The following DPP7 variants were observed in gnomAD, a reference collection of about 807,000 sequenced individuals.
DPP7 encodes dipeptidyl peptidase 7, also known as dipeptidyl peptidase 2.
Under a neutral mutation model 58.8 loss-of-function variants are expected in DPP7, and 74 were observed. That is an observed-to-expected ratio of 1.26 (90% CI 1.04 to 1.53). The LOEUF is 1.53. DPP7 is among the 40% of genes most tolerant of loss of function. The pLI, the probability that DPP7 is intolerant of heterozygous loss-of-function variation, is 0.00. For missense variants in DPP7, 807 were observed against 692.3 expected, an observed-to-expected ratio of 1.17 and a Z score of -1.86; for synonymous variants, 350 against 303.6, an observed-to-expected ratio of 1.15 and a Z score of -1.59.
upstream of DPP7, among the ~76,000 whole-genome samples, chr9:137,115,550 G>A (rs1222992823): frequency 6.6e-6 from 1 of 152,148 alleles, no homozygotes; most frequent in African/African-American, 2.4e-5. Flanking sequence ...GGGGCAGCAG[G>A]GGCTCAGCTA....
upstream of DPP7, chr9:137,114,829 G>A (rs2131160043): frequency 1.4e-6 from 1 of 697,822 alleles, no homozygotes; most frequent in South Asian, 7.4e-5. Context: ...GACCGTCGCT[G>A]CTTCAGCGCC....
chr9:137,113,878 C>T lies in DPP7; in HGVS notation c.472G>A (p.Ala158Thr). ...GGAGGCGCCCACCTTCCACCGAAGG[C>T]GATGGCGGGGGCATCCTGGGCCCCG... is the stretch of plus-strand genomic sequence containing the variant. ...DLGAQDAPAIAFGGSYGGMLS... is the reference protein window; with the variant it reads ...DLGAQDAPAITFGGSYGGMLS... Residue 158 changes from alanine to threonine, a missense_variant, in exon 4 of 13, where the codon GCC becomes ACC. By Grantham distance (58) the Ala-to-Thr change is moderately conservative (BLOSUM62 0). This residue lies in a region of DPP7 where 624 missense variants were observed against 531.2 expected (regional missense o/e 1.17). Coordinates refer to ENST00000371579, the MANE Select transcript of DPP7 (RefSeq NM_013379.3). 1.3e-6 allele frequency: 2 copies of T among 1,550,676 alleles called. No individual in the cohort carries two copies. The highest frequency in any genetic ancestry group is 1.7e-6 in the Non-Finnish European group (2 of 1,153,588).
chr9:137,112,469 T>C, intron 8 of DPP7: 1 of 619,170 alleles, frequency 1.6e-6, no homozygotes, highest in Middle Eastern at 4.3e-4. Context: ...TGGGGCCTGC[T>C]GCCCTCTGTT....
At chr9:137,112,441 G>A (rs915299045) in intron 8 of DPP7, 1 of 616,690 alleles carries the variant, frequency 1.6e-6, no homozygotes, top group East Asian at 2.8e-5. Flanking sequence ...GGGCCCCCCC[G>A]CTCTCCACGG....
upstream of DPP7, chr9:137,114,740 T>G: frequency 8.2e-7 from 1 of 1,218,540 alleles, no homozygotes; most frequent in East Asian, 3.8e-5. Context: ...GCCCGTCACG[T>G]GGGCGGGGTC....
chr9:137,112,720 C>T, intron 8 of DPP7, 25 bp downstream of exon 8: 2 of 1,586,510 alleles, frequency 1.3e-6, no homozygotes, highest in Non-Finnish European at 1.7e-6. Context: ...CCACACTTGC[C>T]CATCTGGGGC....
chr9:137,111,420 C>G (rs146326996), intron 11 of DPP7, among the ~76,000 whole-genome samples: 1 of 152,268 alleles, frequency 6.6e-6, no homozygotes, highest in Non-Finnish European at 1.5e-5. Flanking sequence ...GGAGGCCATG[C>G]GGGGAAGATC....
chr9:137,116,755 G>A (rs1831651215), upstream of DPP7, among the ~76,000 whole-genome samples: 1 of 152,236 alleles, frequency 6.6e-6, no homozygotes, highest in Admixed American at 6.5e-5. Context: ...TCTCCGACAT[G>A]CCCCTGGGAA....
intron 11 of DPP7, among the ~76,000 whole-genome samples, chr9:137,111,481 T>C (rs1831362575): frequency 6.6e-6 from 1 of 152,136 alleles, no homozygotes; most frequent in Non-Finnish European, 1.5e-5. Flanking sequence ...TGAGACTGTG[T>C]CTCTACAAAA....
At chr9:137,117,559 G>A (rs1831662347), upstream of DPP7, among the ~76,000 whole-genome samples, 1 of 152,130 alleles carries the variant, frequency 6.6e-6, no homozygotes, top group African/African-American at 2.4e-5. Context: ...AGACCATCTA[G>A]GCAGCTCCTC....
At chr9:137,112,715 C>G (rs200279791) in intron 8 of DPP7, 30 bp downstream of exon 8, 2 of 1,583,320 alleles carry the variant, frequency 1.3e-6, no homozygotes, top group African/African-American at 1.3e-5. Context: ...GGTCTCCACA[C>G]TTGCCCATCT....
At chr9:137,117,260 C>T (rs1831658625), upstream of DPP7, among the ~76,000 whole-genome samples, 2 of 152,212 alleles carry the variant, frequency 1.3e-5, no homozygotes, top group African/African-American at 4.8e-5. Flanking sequence ...GTGAAGGGGC[C>T]CAACTTCTGC....
rs1282318961 is a variant in DPP7, at chr9:137,112,176, T to C, written c.986A>G (p.Tyr329Cys). 6.2e-7 allele frequency: 1 copy of C among 1,607,724 alleles called. No homozygotes were observed. Among genetic ancestry groups the C allele is most frequent in the East Asian group, 2.2e-5 (1 of 44,872 alleles). Residue 329 changes from tyrosine to cysteine, a missense_variant, in exon 9 of 13, where the codon TAC (tyrosine) becomes TGC (cysteine). By Grantham distance (194) the Tyr-to-Cys change is radical (BLOSUM62 -2). Coordinates refer to ENST00000371579, the MANE Select transcript of DPP7 (RefSeq NM_013379.3). ...GCCAGTGGGGTCAGCACAGCTGTGG[T>C]AGAGCCGGTAGATGTCGTAGCAGTG... ...SEHCYDIYRL[Y>C]HSCADPTGCG...
At chr9:137,110,825 C>G in intron 12 of DPP7, 42 bp from the exon 13 acceptor site, 1 of 1,602,032 alleles carries the variant, frequency 6.2e-7, no homozygotes, top group Non-Finnish European at 8.5e-7. Context: ...CCCCAGCCCT[C>G]GGTGAGCCTG....
chr9:137,112,745 CT>C lies in DPP7; in HGVS notation c.930del (p.Leu312TrpfsTer46). The C allele has an allele frequency of 6.2e-7, 1 of 1,602,804 alleles. No individual in the cohort carries two copies. Among genetic ancestry groups the C allele is most frequent in the Non-Finnish European group, 8.5e-7 (1 of 1,177,188 alleles). On this transcript the variant is annotated frameshift_variant and splice_region_variant, in exon 8 of 13. Transcript: ENST00000371579. LOFTEE classifies it high-confidence loss of function. ...AQRITGLRAL[A>X]GLVYNASGSE... ...CCATCTGGGGCCGGGGGAAGGGCAC[CT>C]GCCAGTGCTCGCAGCCCCGTGATCC... is the stretch of plus-strand genomic sequence containing the variant.
Position 137,113,131 on chromosome 9 carries a change from G to C in DPP7, c.704-12C>G. 1 of 1,613,796 alleles carries C rather than the reference G, an allele frequency of 6.2e-7. No homozygotes were observed. Among genetic ancestry groups the C allele is most frequent in the South Asian group, 1.1e-5 (1 of 91,090 alleles). On this transcript the variant is annotated splice_polypyrimidine_tract_variant and intron_variant, in intron 6 of 12. Coordinates refer to ENST00000371579, the MANE Select transcript of DPP7 (RefSeq NM_013379.3). ...GACCGTGTCGTAGGCTGCGTGGAAG[G>C]GGCAGAGACTTGAAGTTTGGGCATA...
At chr9:137,112,721 C>T in intron 8 of DPP7, 24 bp downstream of exon 8, 1 of 1,587,108 alleles carries the variant, frequency 6.3e-7, no homozygotes, top group Non-Finnish European at 8.5e-7. Flanking sequence ...CACACTTGCC[C>T]ATCTGGGGCC....
rs1471040551 is a variant in DPP7 at position 137,113,979 on chromosome 9, C to G, written c.371G>C (p.Gly124Ala). ...CTCCACCGTCAGCAGCTCCGTGTGC[C>G]CGCGCTGCGTGGACTGCGCACCGAA... is the stretch of plus-strand genomic sequence containing the variant. ...LPFGAQSTQR[G>A]HTELLTVEQA... Residue 124 changes from glycine (G) to alanine (A), a missense_variant, in exon 4 of 13, where the codon GGG becomes GCG. Gly to Ala is a moderately conservative substitution (Grantham distance 60). Transcript: ENST00000371579. 8.9e-6 allele frequency: 14 copies of G among 1,580,856 alleles called. No homozygotes were observed. The South Asian group carries it at 1.6e-4, about 18-fold the overall frequency.
At chr9:137,112,400 CTG>C (rs1230715692) in intron 8 of DPP7, 170 bp from the exon 9 acceptor site, 1 of 648,958 alleles carries the variant, frequency 1.5e-6, no homozygotes, top group East Asian at 2.7e-5. Context: ...TCGGCGGTGT[CTG>C]TGCTGCCAGC....
Sources: gnomAD v4.1 joint callset for allele counts (sites outside exome capture counted in the v4.1 genomes callset) on GRCh38, gnomAD v4.1.1 for gene constraint, gnomAD v4.1.1 regional missense constraint, MANE v1.5 for transcripts, NCBI Gene and HGNC (gene_info 2026-07-23, HGNC 2026-07-21) for gene names.